The following CECR2 variants were observed in gnomAD, a reference collection of about 807,000 sequenced individuals.
CECR2 encodes CECR2 histone acetyl-lysine reader.
Under a neutral mutation model 154.5 loss-of-function variants are expected in CECR2, and 30 were observed. The observed-to-expected ratio is 0.19, with a 90% CI of 0.15 to 0.26. CECR2 has a LOEUF of 0.26. CECR2 is among the 10% of genes least tolerant of loss of function. The pLI is 1.00. For synonymous variants in CECR2, 725 were observed against 683.7 expected (o/e 1.06, Z -0.94); for missense variants, 1,743 against 1,829.3 (o/e 0.95, Z 0.86).
At chr22:17,391,616 C>T (rs567933778) in intron 1 of CECR2, among the ~76,000 whole-genome samples, 2 of 152,136 alleles carry the variant, frequency 1.3e-5, no homozygotes, top group Admixed American at 1.3e-4. Flanking sequence ...ATTATTGTTA[C>T]ATTTTCTTTC....
chr22:17,464,832 T>A (rs1270142485), intron 1 of CECR2, among the ~76,000 whole-genome samples: 3 of 152,150 alleles, frequency 2.0e-5, no homozygotes, highest in Admixed American at 6.5e-5. Flanking sequence ...AGTATTGATG[T>A]GCAGTTTTCG....
In CECR2 at chr22:17,491,286, C is replaced by T. The variant is rs59838012; in HGVS notation, c.222-6117C>T. Among the ~76,000 whole-genome samples, 943 of 152,220 alleles carry T rather than the reference C, an allele frequency of 6.2e-3. 9 individuals are homozygous for T. The highest frequency in any genetic ancestry group is 0.022 in the African/African-American group (898 of 41,536). On this transcript the variant is annotated intron_variant, in intron 2 of 18. Transcript: ENST00000262608. ...GTGCAACTTGGCGAAACTTCCACAGCAGCTGCACACTTAGCCTTCCCACCG... is the reference window on the plus strand; with the variant it reads ...GTGCAACTTGGCGAAACTTCCACAGTAGCTGCACACTTAGCCTTCCCACCG...
chr22:17,404,279 CAAAA>C (rs375565396), intron 1 of CECR2, among the ~76,000 whole-genome samples: 7 of 62,890 alleles, frequency 1.1e-4, no homozygotes, highest in South Asian at 6.1e-4. Context: ...ACCCCCCTGC[CAAAA>C]AAAAAAAAAA....
At chr22:17,398,585 A>G (rs1451423217) in intron 1 of CECR2, among the ~76,000 whole-genome samples, 1 of 152,206 alleles carries the variant, frequency 6.6e-6, no homozygotes, top group Non-Finnish European at 1.5e-5. Context: ...TCCTGGTGCC[A>G]TCCACAGTGC....
chr22:17,371,394 C>T (rs541962960), intron 1 of CECR2, among the ~76,000 whole-genome samples: 380 of 152,090 alleles, frequency 2.5e-3, no homozygotes, highest in Non-Finnish European at 4.0e-3. Context: ...TTTTACGTGG[C>T]GCCACAGCGT....
At position 17,500,754 on chromosome 22, in the gene CECR2, T is replaced by C. The variant is rs565469461; in HGVS notation, c.650+19T>C. On this transcript the variant is annotated intron_variant, in intron 5 of 18. Coordinates refer to ENST00000262608, the MANE Select transcript of CECR2 (RefSeq NM_001290047.2). ...TGTTGAGGTAAGAAAATCTTGTTAG[T>C]TGTGGTCATAGACCATGGCAGAAGG... The C allele has an allele frequency of 4.0e-6, 6 of 1,505,584 alleles. No homozygotes were observed. In the South Asian group the frequency reaches 4.9e-5, roughly 12 times the overall value. The allele number at this position is 1,505,584 out of a possible 1,614,324, so 93.3% of individuals were successfully genotyped here.
At chr22:17,483,288 A>G (rs1157587798) in intron 2 of CECR2, among the ~76,000 whole-genome samples, 3 of 152,188 alleles carry the variant, frequency 2.0e-5, no homozygotes, top group Non-Finnish European at 1.5e-5. Context: ...GCCGCCACAC[A>G]GTGGCTCATG....
intron 2 of CECR2, among the ~76,000 whole-genome samples, chr22:17,483,808 C>G (rs561485206): frequency 2.0e-5 from 3 of 152,104 alleles, no homozygotes; most frequent in Admixed American, 6.6e-5. Flanking sequence ...ATGTGCCAAG[C>G]CTTCACATTC....
intron 17 of CECR2, chr22:17,550,211 G>C (rs5747229): frequency 1.3e-5 from 2 of 153,568 alleles, no homozygotes; most frequent in African/African-American, 4.8e-5. Flanking sequence ...GCAGTGGTAC[G>C]ATCTCTGCTC....
chr22:17,382,186 G>A (rs1015685616), intron 1 of CECR2, among the ~76,000 whole-genome samples: 4 of 152,014 alleles, frequency 2.6e-5, no homozygotes, highest in Admixed American at 6.6e-5. Context: ...CACTGTGCCC[G>A]GCCAGAGAGC....
intron 1 of CECR2, among the ~76,000 whole-genome samples, chr22:17,454,822 G>A (rs189752278): frequency 2.1e-3 from 317 of 152,260 alleles, no homozygotes; most frequent in African/African-American, 7.2e-3. Context: ...TGAAATGCTT[G>A]TTTCCTGGTG....
intron 3 of CECR2, 126 bp downstream of exon 3, chr22:17,497,712 C>G: frequency 2.4e-6 from 2 of 846,510 alleles, no homozygotes; most frequent in East Asian, 2.5e-5. Context: ...TGGTACTATT[C>G]ATTGCCAATA....
chr22:17,446,955 G>C (rs1378755653), intron 1 of CECR2, among the ~76,000 whole-genome samples: 2 of 151,390 alleles, frequency 1.3e-5, no homozygotes, highest in Non-Finnish European at 2.9e-5. Context: ...AGTGCTGATT[G>C]GTGTGTTTAC....
chr22:17,425,741 G>GA (rs2054320046), intron 1 of CECR2, among the ~76,000 whole-genome samples: 1 of 151,924 alleles, frequency 6.6e-6, no homozygotes, highest in Non-Finnish European at 1.5e-5. Context: ...TAGACCAAGG[G>GA]TCTAATCTAG....
At chr22:17,443,754 T>G (rs1029513499) in intron 1 of CECR2, among the ~76,000 whole-genome samples, 1 of 152,120 alleles carries the variant, frequency 6.6e-6, no homozygotes, top group South Asian at 2.1e-4. Flanking sequence ...TAGCCTACTT[T>G]ATCTTTTTAG....
At chr22:17,379,257 ATTG>A (rs2063156662) in intron 1 of CECR2, among the ~76,000 whole-genome samples, 1 of 152,066 alleles carries the variant, frequency 6.6e-6, no homozygotes, top group Non-Finnish European at 1.5e-5. Context: ...CGCGCCTGGC[ATTG>A]TTAATTTTTT....
Position 17,537,204 on chromosome 22 carries a change from A to C in CECR2, c.1210A>C (p.Met404Leu), listed in dbSNP as rs748420479. The C allele has an allele frequency of 2.5e-6, 4 of 1,613,900 alleles. No homozygotes were observed. Among genetic ancestry groups the C allele is most frequent in the Non-Finnish European group, 2.5e-6 (3 of 1,179,840 alleles). ...TTCCCATCTGGACCCCAATTCCCCCATGAGAGAGGAAAAAAAGACTAAAGA... is the reference window on the plus strand; with the variant it reads ...TTCCCATCTGGACCCCAATTCCCCCCTGAGAGAGGAAAAAAAGACTAAAGA... Reference protein sequence around the residue: ...ELSHLDPNSPMREEKKTKDLF... With the variant: ...ELSHLDPNSPLREEKKTKDLF... Residue 404 changes from methionine to leucine, a missense_variant, in exon 10 of 19, where the codon ATG becomes CTG. By Grantham distance (15) the Met-to-Leu change is conservative. Transcript: ENST00000262608.
At chr22:17,546,278 G>A (rs1285904292) in intron 16 of CECR2, among the ~76,000 whole-genome samples, 2 of 152,010 alleles carry the variant, frequency 1.3e-5, no homozygotes, top group African/African-American at 4.8e-5. Flanking sequence ...ACGAGGTCAG[G>A]AAATCGAGAT....
intron 8 of CECR2, among the ~76,000 whole-genome samples, chr22:17,523,755 C>CAA (rs66963477): frequency 2.5e-4 from 25 of 101,136 alleles, no homozygotes; most frequent in South Asian, 3.6e-4. Flanking sequence ...GACTCTATCT[C>CAA]AAAAAAAAAA....
Sources: allele counts gnomAD v4.1 joint callset (sites outside exome capture counted in the v4.1 genomes callset), GRCh38; gene constraint gnomAD v4.1.1; transcripts MANE v1.5; gene names NCBI Gene and HGNC (gene_info 2026-07-23, HGNC 2026-07-21).